The following ZBTB8B variants were observed in gnomAD, a reference collection of about 807,000 sequenced individuals.
The protein encoded by ZBTB8B is zinc finger and BTB domain containing 8B.
A neutral mutation model predicts 30.3 loss-of-function variants in ZBTB8B; 17 were observed. That is an observed-to-expected ratio of 0.56 (90% CI 0.38 to 0.84). ZBTB8B has a LOEUF of 0.84. ZBTB8B is among the 40% of genes least tolerant of loss of function. The pLI is 0.00. For missense variants in ZBTB8B, 515 were observed against 644.9 expected (o/e 0.80, Z 2.18); for synonymous variants, 248 against 255.6 (o/e 0.97, Z 0.28).
rs1643620849 is a variant in ZBTB8B at position 32,471,490 on chromosome 1, C to T, written c.866C>T (p.Ala289Val). 1 of 1,551,858 alleles carries T rather than the reference C, an allele frequency of 6.4e-7. No individual in the cohort carries two copies. Among genetic ancestry groups the T allele is most frequent in the Non-Finnish European group, 8.7e-7 (1 of 1,147,028 alleles). ...QFLEALLRNS[A>V]APSKDDADHH... ...CTGGAGGCGCTCTTGCGCAACAGCG[C>T]TGCCCCGAGCAAGGATGATGCAGAC... Residue 289 changes from alanine (A) to valine (V), a missense_variant, in exon 2 of 4, where the codon GCT (alanine) becomes GTT (valine). This residue lies in a region of ZBTB8B where 429 missense variants were observed against 504.3 expected (regional missense o/e 0.85). Coordinates refer to ENST00000609129, the MANE Select transcript of ZBTB8B (RefSeq NM_001145720.2).
intron 1 of ZBTB8B, 132 bp from the exon 2 acceptor site, chr1:32,470,452 A>G: frequency 1.2e-6 from 1 of 844,140 alleles, no homozygotes; most frequent in Non-Finnish European, 1.7e-6. Flanking sequence ...GTGAGCCGAG[A>G]TTGCGCCACT....
chr1:32,476,402 CAT>C (rs371894148), intron 2 of ZBTB8B, among the ~76,000 whole-genome samples: 9 of 152,228 alleles, frequency 5.9e-5, no homozygotes, highest in African/African-American at 2.2e-4. Flanking sequence ...CCCCTTTCCT[CAT>C]GTACCTGCTT....
Position 32,495,372 on chromosome 1 carries a change from G to GT in ZBTB8B, c.*9959dup, listed in dbSNP as rs1643809873. 6.6e-6 allele frequency: 1 copy of GT among 152,040 alleles called. No homozygotes were observed. Among genetic ancestry groups the GT allele is most frequent in the African/African-American group, 2.4e-5 (1 of 41,386 alleles). 9.4% of individuals were successfully genotyped at this position (152,040 alleles called of 1,614,324 possible). A position where few individuals can be genotyped will look rare whatever the true frequency, so the allele number is the denominator to read the frequency against. On this transcript the variant is annotated 3_prime_UTR_variant, in exon 4 of 4. Transcript: ENST00000609129. ...AAAATACCTAGATGCAGTATTCCTGGTTTTTAATGAAATATTTATCTAGTT... is the reference window on the plus strand; with the variant it reads ...AAAATACCTAGATGCAGTATTCCTGGTTTTTTAATGAAATATTTATCTAGTT...
rs1415854811 is a variant in ZBTB8B at position 32,465,272 on chromosome 1, C to T, written c.-42+167C>T. On this transcript the variant is annotated intron_variant, in intron 1 of 3. Coordinates refer to ENST00000609129, the MANE Select transcript of ZBTB8B (RefSeq NM_001145720.2). The surrounding 1 kb of genome is among the most constrained non-coding windows in gnomAD (Gnocchi z 4.1). ...GGCAACTCCTGGGACCTCCGCCCCG[C>T]GAGCCCTTCTAGCGTGGGGAGGGGC... 6.6e-6 allele frequency among the ~76,000 whole-genome samples: 1 copy of T among 152,270 alleles called. No homozygotes were observed. Among genetic ancestry groups the T allele is most frequent in the African/African-American group, 2.4e-5 (1 of 41,480 alleles).
chr1:32,485,283 C>T lies in ZBTB8B; in HGVS notation c.1353C>T (p.Ser451=). 6.4e-7 allele frequency: 1 copy of T among 1,552,142 alleles called. No individual in the cohort carries two copies. Among genetic ancestry groups the T allele is most frequent in the Non-Finnish European group, 8.7e-7 (1 of 1,147,120 alleles). Reference sequence around the variant, plus strand: ...GCTTGGTGGAGGCTTCATCTGAAAGCCAAGAAAAGAGCGACACAGACAATG... The same window carrying T: ...GCTTGGTGGAGGCTTCATCTGAAAGTCAAGAAAAGAGCGACACAGACAATG... ...NLSLVEASSE[S]QEKSDTDNDW... is the part of the protein sequence containing the mutation. Residue 451 remains serine (S), a synonymous_variant, in exon 4 of 4, where the codon AGC becomes AGT. Coordinates refer to ENST00000609129, the MANE Select transcript of ZBTB8B (RefSeq NM_001145720.2).
chr1:32,469,203 A>G (rs1379707847), intron 1 of ZBTB8B, among the ~76,000 whole-genome samples: 2 of 151,252 alleles, frequency 1.3e-5, no homozygotes, highest in Non-Finnish European at 2.9e-5. Context: ...TCCTCTAAAA[A>G]AGAAAACCAG....
chr1:32,495,574 A>G lies in ZBTB8B; in HGVS notation c.*10156A>G, dbSNP rs1264526943. ...TAGGAGTGGCCTCAACAAAGGAAAA[A>G]GTCCTTTGTTCCTCTGTTGCTCATT... On this transcript the variant is annotated 3_prime_UTR_variant, in exon 4 of 4. Transcript: ENST00000609129. 1 of 151,790 alleles carries G rather than the reference A, an allele frequency of 6.6e-6. No individual in the cohort carries two copies. Among genetic ancestry groups the G allele is most frequent in the Non-Finnish European group, 1.5e-5 (1 of 68,036 alleles). The allele number at this position is 151,790 out of a possible 1,614,324, so 9.4% of individuals were successfully genotyped here. A position where few individuals can be genotyped will look rare whatever the true frequency, so the allele number is the denominator to read the frequency against.
rs1039705088 is a variant in ZBTB8B, at chr1:32,484,164, T to C, written c.1171-937T>C. ...TCAGGGCTTTAGTAAGCTATTATCA[T>C]GTCACTGCACTCCAGCCTGGGTGAC... On this transcript the variant is annotated intron_variant, in intron 3 of 3. Transcript: ENST00000609129. This position sits in a 1 kb window ranked among gnomAD's most constrained non-coding sequence, Gnocchi z 4.5. 1.3e-5 allele frequency among the ~76,000 whole-genome samples: 2 copies of C among 151,102 alleles called. No homozygotes were observed. Among genetic ancestry groups the C allele is most frequent in the Admixed American group, 1.3e-4 (2 of 15,112 alleles).
At chr1:32,485,010 A>G in intron 3 of ZBTB8B, 91 bp from the exon 4 acceptor site, 1 of 1,248,504 alleles carries the variant, frequency 8.0e-7, no homozygotes, top group Admixed American at 2.3e-5. Context: ...AGGAATCGGG[A>G]GGATCAGGCA....
rs1015684360 is a variant in ZBTB8B at position 32,493,045 on chromosome 1, C to G, written c.*7627C>G. The G allele has an allele frequency of 6.6e-6, 1 of 152,168 alleles. No homozygotes were observed. The highest frequency in any genetic ancestry group is 1.5e-5 in the Non-Finnish European group (1 of 68,030). 9.4% of individuals were successfully genotyped at this position (152,168 alleles called of 1,614,324 possible). ...TTCTCAAACATGGTGGCTTTGGTCA[C>G]TAACAGTGTTTAAATTATGTGTTTT... On this transcript the variant is annotated 3_prime_UTR_variant, in exon 4 of 4. Transcript: ENST00000609129.
In ZBTB8B at chr1:32,471,605, A is replaced by C; in HGVS notation, c.981A>C (p.Gly327=). ...TGGATGTCCAGGCTGACTGGTATGGAGAGGACTCAGGTGAGCTCCCTTAGC... is the reference window on the plus strand; with the variant it reads ...TGGATGTCCAGGCTGACTGGTATGGCGAGGACTCAGGTGAGCTCCCTTAGC... ...SMMDVQADWY[G]EDSGDVLVVP... Residue 327 remains glycine, a synonymous_variant, in exon 2 of 4, where the codon GGA becomes GGC. Coordinates refer to ENST00000609129, the MANE Select transcript of ZBTB8B (RefSeq NM_001145720.2). The C allele has an allele frequency of 1.3e-6, 2 of 1,550,394 alleles. No homozygotes were observed. Among genetic ancestry groups the C allele is most frequent in the Non-Finnish European group, 1.7e-6 (2 of 1,145,886 alleles).
chr1:32,481,017 C>A lies in ZBTB8B; in HGVS notation c.1118C>A (p.Thr373Asn). Residue 373 changes from threonine (T) to asparagine (N), a missense_variant, in exon 3 of 4, where the codon ACC becomes AAC. Thr to Asn is a moderately conservative substitution (Grantham distance 65). This residue lies in a region of ZBTB8B where 429 missense variants were observed against 504.3 expected (regional missense o/e 0.85). Coordinates refer to ENST00000609129, the MANE Select transcript of ZBTB8B (RefSeq NM_001145720.2). Reference sequence around the variant, plus strand: ...GGCGAGCGGCCCTACCCCTGTGAGACCTGCGGCAAGAGGTTCACTCGACAA... The same window carrying A: ...GGCGAGCGGCCCTACCCCTGTGAGAACTGCGGCAAGAGGTTCACTCGACAA... ...HTGERPYPCE[T>N]CGKRFTRQEH... 1.3e-6 allele frequency: 2 copies of A among 1,552,280 alleles called. No individual in the cohort carries two copies. The highest frequency in any genetic ancestry group is 1.7e-6 in the Non-Finnish European group (2 of 1,147,184).
At chr1:32,480,563 C>CT (rs1219967057) in intron 2 of ZBTB8B, among the ~76,000 whole-genome samples, 1 of 152,142 alleles carries the variant, frequency 6.6e-6, no homozygotes, top group East Asian at 1.9e-4. Context: ...TTTTGGGAAA[C>CT]TTTTCCAGTT....
At chr1:32,483,918 A>C (rs1263894892) in intron 3 of ZBTB8B, among the ~76,000 whole-genome samples, 1 of 151,892 alleles carries the variant, frequency 6.6e-6, no homozygotes, top group East Asian at 1.9e-4. Context: ...AAAAAAAAAA[A>C]TCCTGGCCAA....
rs1643768554 is a variant in ZBTB8B at position 32,489,958 on chromosome 1, G to T, written c.*4540G>T. The T allele has an allele frequency of 6.6e-6, 1 of 152,126 alleles. No homozygotes were observed. Among genetic ancestry groups the T allele is most frequent in the South Asian group, 2.1e-4 (1 of 4,832 alleles). The allele number at this position is 152,126 out of a possible 1,614,324, so 9.4% of individuals were successfully genotyped here. On this transcript the variant is annotated 3_prime_UTR_variant, in exon 4 of 4. Transcript: ENST00000609129. ...GACCTAGTGTTCTGCAACATGTTAT[G>T]GAATTGAGTATTCTGGTGGTTTGGA...
At chr1:32,471,696 T>A (rs1643622665) in intron 2 of ZBTB8B, 81 bp downstream of exon 2, 2 of 1,422,060 alleles carry the variant, frequency 1.4e-6, no homozygotes, top group Non-Finnish European at 1.9e-6. Flanking sequence ...ATCATCATGA[T>A]CATTATCACC....
chr1:32,471,458 G>A lies in ZBTB8B; in HGVS notation c.834G>A (p.Lys278=). The change falls in exon 2 of 4, where the codon AAG becomes AAA. Residue 278 remains lysine, a synonymous_variant. Coordinates refer to ENST00000609129, the MANE Select transcript of ZBTB8B (RefSeq NM_001145720.2). ...TGGCTTACAGCAACTACCACGTGAAGCAGTTCCTGGAGGCGCTCTTGCGCA... is the reference window on the plus strand; with the variant it reads ...TGGCTTACAGCAACTACCACGTGAAACAGTTCCTGGAGGCGCTCTTGCGCA... ...VDLAYSNYHV[K]QFLEALLRNS... 6.4e-7 allele frequency: 1 copy of A among 1,551,814 alleles called. No individual in the cohort carries two copies. The highest frequency in any genetic ancestry group is 1.7e-4 in the Middle Eastern group (1 of 5,992).
rs1643796916 is a variant in ZBTB8B at position 32,493,797 on chromosome 1, A to G, written c.*8379A>G. The G allele has an allele frequency of 1.3e-5, 2 of 152,214 alleles. No individual in the cohort carries two copies. The highest frequency in any genetic ancestry group is 2.4e-5 in the African/African-American group (1 of 41,458). The allele number at this position is 152,214 out of a possible 1,614,324, so 9.4% of individuals were successfully genotyped here. On this transcript the variant is annotated 3_prime_UTR_variant, in exon 4 of 4. Coordinates refer to ENST00000609129, the MANE Select transcript of ZBTB8B (RefSeq NM_001145720.2). ...TTCAAGTAAAAATGAAATGACAACA[A>G]CAGATAACTTCCCATTATGTTGATC...
Position 32,493,913 on chromosome 1 carries a change from G to T in ZBTB8B, c.*8495G>T, listed in dbSNP as rs1303733623. 6.6e-6 allele frequency: 1 copy of T among 151,594 alleles called. No homozygotes were observed. The highest frequency in any genetic ancestry group is 1.5e-5 in the Non-Finnish European group (1 of 67,922). The allele number at this position is 151,594 out of a possible 1,614,324, so 9.4% of individuals were successfully genotyped here. On this transcript the variant is annotated 3_prime_UTR_variant, in exon 4 of 4. Transcript: ENST00000609129. ...AACTAATTAATACCCCAGAAATCAG[G>T]ATACATGCCAGGCGTCGGGGCTTAC...
Sources: allele counts gnomAD v4.1 joint callset (sites outside exome capture counted in the v4.1 genomes callset), GRCh38; gene constraint gnomAD v4.1.1; regional missense constraint gnomAD v4.1.1; non-coding constraint Gnocchi (gnomAD v3.1); transcripts MANE v1.5; gene names NCBI Gene and HGNC (gene_info 2026-07-23, HGNC 2026-07-21).